SLC6A6: variants seen among roughly 807,000 people sequenced by gnomAD.
SLC6A6 encodes the protein solute carrier family 6 member 6.
Under a neutral mutation model 68.8 loss-of-function variants are expected in SLC6A6, and 16 were observed. That is an observed-to-expected ratio of 0.23 (90% CI 0.16 to 0.35). The LOEUF is 0.35. Ranked by LOEUF, SLC6A6 falls within the 10% of genes least tolerant of loss-of-function variation. SLC6A6 has a pLI of 1.00. For synonymous variants in SLC6A6, 312 were observed against 315.4 expected (o/e 0.99, Z 0.12); for missense variants, 474 against 802.8 (o/e 0.59, Z 4.95).
At chr3:14,423,993 C>A (rs73028245) in intron 2 of SLC6A6, among the ~76,000 whole-genome samples, 1 of 152,174 alleles carries the variant, frequency 6.6e-6, no homozygotes, top group Non-Finnish European at 1.5e-5. Flanking sequence ...AGGGTCGTCC[C>A]AGCTTAAGGT....
chr3:14,426,896 G>A (rs913673372), intron 2 of SLC6A6, among the ~76,000 whole-genome samples: 2 of 152,154 alleles, frequency 1.3e-5, no homozygotes, highest in South Asian at 2.1e-4. Context: ...TCAGGGCCTG[G>A]GAATGGCAGG....
intron 2 of SLC6A6, among the ~76,000 whole-genome samples, chr3:14,432,956 C>T (rs1197529175): frequency 2.6e-5 from 4 of 152,256 alleles, no homozygotes; most frequent in Non-Finnish European, 5.9e-5. Flanking sequence ...CTCTCAGGGA[C>T]TCTTTGACCA....
chr3:14,443,949 CTCTT>C lies in SLC6A6; in HGVS notation c.229+89_229+92del. The C allele has an allele frequency of 6.5e-6, 6 of 926,938 alleles. No individual in the cohort carries two copies. In the Middle Eastern group the frequency reaches 1.3e-3, roughly 200 times the overall value. 57.4% of individuals were successfully genotyped at this position (926,938 alleles called of 1,614,324 possible). A position where few individuals can be genotyped will look rare whatever the true frequency, so the allele number is the denominator to read the frequency against. On this transcript the variant is annotated intron_variant, in intron 3 of 14. Transcript: ENST00000622186. Reference sequence around the variant, plus strand: ...GCTGGGACCAGAGCGTGGGTGGCCTCTCTTTCCCTGCTTTCCCTGGCCCCCCCCC... The same window carrying C: ...GCTGGGACCAGAGCGTGGGTGGCCTCTCCCTGCTTTCCCTGGCCCCCCCCC...
intron 1 of SLC6A6, among the ~76,000 whole-genome samples, chr3:14,410,678 C>T (rs573505327): frequency 5.9e-5 from 9 of 152,340 alleles, no homozygotes; most frequent in Admixed American, 1.3e-4. Context: ...CCTTGCCGAC[C>T]CAGAGGCTCA....
intron 6 of SLC6A6, among the ~76,000 whole-genome samples, chr3:14,458,410 T>C (rs1464821433): frequency 2.0e-5 from 3 of 152,222 alleles, no homozygotes; most frequent in Admixed American, 6.5e-5. Context: ...TCTCAAGGTA[T>C]TGGCAGTCAG....
At chr3:14,457,215 G>A (rs1223525469) in intron 5 of SLC6A6, among the ~76,000 whole-genome samples, 9 of 152,192 alleles carry the variant, frequency 5.9e-5, no homozygotes, top group Non-Finnish European at 1.0e-4. Flanking sequence ...CAGGGTTGGT[G>A]ACTGTCCCGT....
intron 2 of SLC6A6, among the ~76,000 whole-genome samples, chr3:14,419,681 TG>T (rs1355527014): frequency 7.2e-5 from 11 of 152,110 alleles, no homozygotes; most frequent in South Asian, 6.2e-4. Flanking sequence ...GATTTTGGGG[TG>T]GGGGTGACCT....
At chr3:14,425,164 C>A (rs1419757198) in intron 2 of SLC6A6, among the ~76,000 whole-genome samples, 1 of 152,276 alleles carries the variant, frequency 6.6e-6, no homozygotes, top group East Asian at 1.9e-4. Context: ...TTCCTTGTAC[C>A]TTCCTTGTGT....
chr3:14,458,213 G>A (rs1008588497), intron 6 of SLC6A6, 131 bp downstream of exon 6: 5 of 775,438 alleles, frequency 6.4e-6, no homozygotes, highest in Non-Finnish European at 1.1e-5. Context: ...TGGTAAGCCC[G>A]CCCTCTGGAA....
At chr3:14,416,265 C>T (rs2124905114) in intron 1 of SLC6A6, 147 bp from the exon 2 acceptor site, 1 of 394,868 alleles carries the variant, frequency 2.5e-6, no homozygotes, top group Non-Finnish European at 4.5e-6. Flanking sequence ...TGAGCCTCAG[C>T]GTCCTGGCCT....
In SLC6A6 at chr3:14,404,714, A is replaced by G. The variant is rs374161090; in HGVS notation, c.-54+1867A>G. On this transcript the variant is annotated intron_variant, in intron 1 of 14. Transcript: ENST00000622186. ...CCGGCCTCACTACGTCCTTGAGGGG[A>G]TTGAGGGAGATGAGGCTGAATAAGC... is the stretch of plus-strand genomic sequence containing the variant. 3.1e-3 allele frequency among the ~76,000 whole-genome samples: 476 copies of G among 152,244 alleles called. 29 individuals carry two copies. In the South Asian group the frequency reaches 0.095, roughly 30 times the overall value.
chr3:14,421,043 C>A (rs1471863856), intron 2 of SLC6A6, among the ~76,000 whole-genome samples: 3 of 152,216 alleles, frequency 2.0e-5, no homozygotes, highest in African/African-American at 7.2e-5. Context: ...GAATCATTGA[C>A]CCCGCAGGGG....
chr3:14,426,063 G>C (rs1344447588), intron 2 of SLC6A6, among the ~76,000 whole-genome samples: 1 of 152,168 alleles, frequency 6.6e-6, no homozygotes, highest in Non-Finnish European at 1.5e-5. Flanking sequence ...AAATACTTTT[G>C]ATCTGGGCTG....
At chr3:14,479,293 A>T in intron 13 of SLC6A6, 108 bp downstream of exon 13, 1 of 755,896 alleles carries the variant, frequency 1.3e-6, no homozygotes. Context: ...GTGGGCTTAT[A>T]ATAAACCCAG....
intron 5 of SLC6A6, among the ~76,000 whole-genome samples, chr3:14,454,363 G>A (rs1247774914): frequency 6.6e-6 from 1 of 152,098 alleles, no homozygotes; most frequent in Non-Finnish European, 1.5e-5. Flanking sequence ...CAGGTGAGTG[G>A]CAGGGCGCCA....
At chr3:14,404,889 A>T (rs1158596483) in intron 1 of SLC6A6, among the ~76,000 whole-genome samples, 1 of 152,234 alleles carries the variant, frequency 6.6e-6, no homozygotes, top group African/African-American at 2.4e-5. Flanking sequence ...CCCATGGCTC[A>T]GCTGCAATCA....
intron 2 of SLC6A6, among the ~76,000 whole-genome samples, chr3:14,423,061 T>G (rs9844858): frequency 0.01 from 1,576 of 152,258 alleles, 23 homozygotes; most frequent in African/African-American, 0.035. Context: ...TGATTAGCAG[T>G]GTCTGTCAAG....
intron 2 of SLC6A6, among the ~76,000 whole-genome samples, chr3:14,418,117 C>T (rs746587137): frequency 2.0e-5 from 3 of 152,240 alleles, no homozygotes; most frequent in Non-Finnish European, 4.4e-5. Context: ...TACTCGCCAT[C>T]TGCTGTGCTC....
chr3:14,483,412 A>T (rs998422011), intron 14 of SLC6A6, among the ~76,000 whole-genome samples: 1 of 152,180 alleles, frequency 6.6e-6, no homozygotes, highest in Non-Finnish European at 1.5e-5. Context: ...GCAAACCCAG[A>T]TCTCTGTCCC....
Sources: allele counts gnomAD v4.1 joint callset (sites outside exome capture counted in the v4.1 genomes callset), GRCh38; gene constraint gnomAD v4.1.1; transcripts MANE v1.5; gene names NCBI Gene and HGNC (gene_info 2026-07-23, HGNC 2026-07-21).